Variants in PCDHA8 observed in about 807,000 individuals in gnomAD.
The protein encoded by PCDHA8 is protocadherin alpha-8.
A neutral mutation model predicts 61.8 loss-of-function variants in PCDHA8; 53 were observed. That is an observed-to-expected ratio of 0.86 (90% CI 0.69 to 1.08). PCDHA8 has a LOEUF of 1.08. Among genes scored for constraint, PCDHA8 ranks in the 50% least tolerant of loss-of-function variants. The pLI is 0.00. For synonymous variants in PCDHA8, 618 were observed against 556.6 expected (o/e 1.11, Z -1.55); for missense variants, 1,293 against 1,245.0 (o/e 1.04, Z -0.58).
At chr5:140,945,142 A>G (rs2093746990) in intron 1 of PCDHA8, among the ~76,000 whole-genome samples, 1 of 152,184 alleles carries the variant, frequency 6.6e-6, no homozygotes. Context: ...AATCAATAGC[A>G]TTTCTATACA....
At chr5:140,988,348 A>T (rs2097293800) in intron 3 of PCDHA8, among the ~76,000 whole-genome samples, 1 of 152,116 alleles carries the variant, frequency 6.6e-6, no homozygotes, top group Admixed American at 6.6e-5. Flanking sequence ...TCCTTTTAAG[A>T]TGCACTTTTA....
intron 1 of PCDHA8, among the ~76,000 whole-genome samples, chr5:140,977,323 G>A (rs542392962): frequency 1.3e-5 from 2 of 152,324 alleles, no homozygotes; most frequent in Non-Finnish European, 1.5e-5. Context: ...GCTCCTGATG[G>A]CGAGGGGAGA....
chr5:140,901,970 G>A (rs1178784932), intron 1 of PCDHA8, among the ~76,000 whole-genome samples: 1 of 151,954 alleles, frequency 6.6e-6, no homozygotes, highest in Non-Finnish European at 1.5e-5. Context: ...TCGTAAATGG[G>A]ATTACTTTTT....
At chr5:140,888,967 G>T (rs1434157317) in intron 1 of PCDHA8, among the ~76,000 whole-genome samples, 1 of 152,000 alleles carries the variant, frequency 6.6e-6, no homozygotes, top group African/African-American at 2.4e-5. Flanking sequence ...CAATGTTAAT[G>T]TGTTGAATTT....
At chr5:140,849,563 G>T (rs2150440707) in intron 1 of PCDHA8, 1 of 1,598,488 alleles carries the variant, frequency 6.3e-7, no homozygotes, top group Non-Finnish European at 8.6e-7. Context: ...AAACGCTCTC[G>T]GTTCCTGTAA....
At chr5:140,927,403 C>T (rs1276847771) in intron 1 of PCDHA8, 1 of 1,614,146 alleles carries the variant, frequency 6.2e-7, no homozygotes, top group Non-Finnish European at 8.5e-7. Context: ...GCACTTTCGC[C>T]TGGACATGGG....
rs192014288 is a variant in PCDHA8, at chr5:140,938,120, T to A, written c.2395-40829T>A. Among the ~76,000 whole-genome samples the A allele has an allele frequency of 2.0e-3, 311 of 152,258 alleles. 6 individuals are homozygous for A. In the East Asian group the frequency reaches 0.05, roughly 25 times the overall value. ...GTATTTTTTACTTTCTCTCTTTTTT[T>A]AAAAAAATAGAGATAGAGTCTCACT... On this transcript the variant is annotated intron_variant, in intron 1 of 3. Transcript: ENST00000531613.
intron 1 of PCDHA8, chr5:140,926,959 G>A: frequency 6.2e-7 from 1 of 1,604,022 alleles, no homozygotes; most frequent in Non-Finnish European, 8.5e-7. Context: ...GGGACAGCTC[G>A]AGTACTCAGT....
At position 140,882,738 on chromosome 5, in the gene PCDHA8, C is replaced by T. The variant is rs1005115100; in HGVS notation, c.2394+39023C>T. 8.1e-6 allele frequency: 13 copies of T among 1,614,118 alleles called. No individual in the cohort carries two copies. The highest frequency in any genetic ancestry group is 1.3e-5 in the African/African-American group (1 of 74,942). ...GAAACTCGATTTCCACTAGATGGCG[C>T]ATCCGATGCAGATATTGGAGTAAAC... On this transcript the variant is annotated intron_variant, in intron 1 of 3. Transcript: ENST00000531613.
At chr5:140,955,241 A>T (rs1554221829) in intron 1 of PCDHA8, among the ~76,000 whole-genome samples, 1 of 152,114 alleles carries the variant, frequency 6.6e-6, no homozygotes, top group East Asian at 1.9e-4. Context: ...TTTGCTTAGG[A>T]TCGGCTTGGC....
chr5:140,994,434 G>A (rs1238502710), intron 3 of PCDHA8, among the ~76,000 whole-genome samples: 1 of 152,156 alleles, frequency 6.6e-6, no homozygotes, highest in African/African-American at 2.4e-5. Flanking sequence ...CGGGCGCAGT[G>A]GCTCACACCT....
intron 1 of PCDHA8, chr5:140,870,411 C>T: frequency 6.2e-7 from 1 of 1,614,212 alleles, no homozygotes; most frequent in East Asian, 2.2e-5. Context: ...CTCTGTGGGC[C>T]ACGGCCAGGG....
chr5:140,966,409 G>C (rs1234170283), intron 1 of PCDHA8: 1 of 419,144 alleles, frequency 2.4e-6, no homozygotes, highest in African/African-American at 2.1e-5. Context: ...CGCGGAATCA[G>C]AGCAGGACTT....
chr5:140,928,664 G>A (rs186350151), intron 1 of PCDHA8: 2 of 1,614,214 alleles, frequency 1.2e-6, no homozygotes, highest in Non-Finnish European at 1.7e-6. Context: ...GCTGACAGTG[G>A]TTCTAATGCC....
At chr5:140,855,488 C>T (rs569322371) in intron 1 of PCDHA8, among the ~76,000 whole-genome samples, 1 of 149,546 alleles carries the variant, frequency 6.7e-6, no homozygotes. Flanking sequence ...ACATTAGTGT[C>T]TAAATAAACC....
intron 1 of PCDHA8, among the ~76,000 whole-genome samples, chr5:140,902,816 G>A (rs1447534950): frequency 6.6e-6 from 1 of 150,906 alleles, no homozygotes; most frequent in Non-Finnish European, 1.5e-5. Flanking sequence ...TACAATATTT[G>A]GTTTTCGATT....
intron 1 of PCDHA8, chr5:140,929,246 C>A: frequency 6.2e-7 from 1 of 1,613,738 alleles, no homozygotes; most frequent in Non-Finnish European, 8.5e-7. Flanking sequence ...AATCTTGCCA[C>A]TGGGGTAGGA....
chr5:140,850,923 A>AT lies in PCDHA8; in HGVS notation c.2394+7216dup, dbSNP rs2150502772. On this transcript the variant is annotated intron_variant, in intron 1 of 3. Coordinates refer to ENST00000531613, the MANE Select transcript of PCDHA8 (RefSeq NM_018911.3). ...TTCTAGCATTTTATTTATTTATATA[A>AT]TTTTTTTTCTTGAAAGATATTATCG... 4.0e-5 allele frequency: 61 copies of AT among 1,521,758 alleles called. 2 individuals are homozygous for AT. Among genetic ancestry groups the AT allele is most frequent in the Middle Eastern group, 2.1e-4 (1 of 4,736 alleles). The allele number at this position is 1,521,758 out of a possible 1,614,324, so 94.3% of individuals were successfully genotyped here. A position where few individuals can be genotyped will look rare whatever the true frequency, so the allele number is the denominator to read the frequency against.
intron 1 of PCDHA8, chr5:140,926,673 A>T (rs998903830): frequency 2.1e-5 from 12 of 580,470 alleles, no homozygotes; most frequent in Non-Finnish European, 3.2e-5. Flanking sequence ...ACGGCTGCCC[A>T]GCCTCCAGCC....
Sources: gnomAD v4.1 joint callset for allele counts (sites outside exome capture counted in the v4.1 genomes callset) on GRCh38, gnomAD v4.1.1 for gene constraint, MANE v1.5 for transcripts, NCBI Gene and HGNC (gene_info 2026-07-23, HGNC 2026-07-21) for gene names.